Variants in SCML4 observed in about 807,000 individuals in gnomAD.
SCML4 encodes Scm polycomb group protein like 4.
SCML4 carries 34 observed loss-of-function variants against 41.1 expected under a neutral mutation model. That is an observed-to-expected ratio of 0.83 (90% CI 0.63 to 1.10). SCML4 has a LOEUF of 1.10. SCML4 is among the 50% of genes least tolerant of loss of function. The pLI, the probability that SCML4 is intolerant of heterozygous loss-of-function variation, is 0.00. For synonymous variants in SCML4, 214 were observed against 220.9 expected (o/e 0.97, Z 0.28); for missense variants, 522 against 534.1 (o/e 0.98, Z 0.22).
At chr6:107,782,398 G>A (rs1781573096) in intron 1 of SCML4, among the ~76,000 whole-genome samples, 1 of 152,202 alleles carries the variant, frequency 6.6e-6, no homozygotes, top group African/African-American at 2.4e-5. Context: ...TGAGAAGGGA[G>A]GGATCCGGTC....
chr6:107,799,556 T>C (rs1350215698), intron 1 of SCML4, among the ~76,000 whole-genome samples: 2 of 152,238 alleles, frequency 1.3e-5, no homozygotes, highest in Non-Finnish European at 2.9e-5. Flanking sequence ...TTATATTTTA[T>C]GTAATTATTG....
intron 2 of SCML4, among the ~76,000 whole-genome samples, chr6:107,757,391 G>T (rs374513644): frequency 1.2e-4 from 19 of 152,278 alleles, no homozygotes; most frequent in African/African-American, 4.6e-4. Context: ...ACTAAACATT[G>T]TTTGACAGAC....
chr6:107,832,715 A>C, the SCML4 span, among the ~76,000 whole-genome samples: 1 of 152,192 alleles, frequency 6.6e-6, no homozygotes, highest in Non-Finnish European at 1.5e-5. Flanking sequence ...TTGGTGCTAA[A>C]GGCCAAAATC....
the SCML4 span, among the ~76,000 whole-genome samples, chr6:107,834,941 A>AC: frequency 0.05 from 7,567 of 152,066 alleles, 548 homozygotes; most frequent in East Asian, 0.16. Flanking sequence ...CTGTCTGAAA[A>AC]AAAAAAAAGG....
chr6:107,718,086 C>T (rs7775540), intron 6 of SCML4, among the ~76,000 whole-genome samples: 86,524 of 152,056 alleles, frequency 0.57, 25,583 homozygotes, highest in Middle Eastern at 0.7. Context: ...CTCGGCCAGT[C>T]GTCTGGCAAG....
chr6:107,749,997 A>G (rs1389363223), intron 2 of SCML4, among the ~76,000 whole-genome samples, 184 bp from the exon 3 acceptor site: 1 of 145,672 alleles, frequency 6.9e-6, no homozygotes, highest in Non-Finnish European at 1.5e-5. Flanking sequence ...TTGGGGTCAC[A>G]CTCAGATCAC....
Position 107,702,326 on chromosome 6 carries a change from G to A in SCML4, c.*2874C>T, listed in dbSNP as rs999209682. 1.3e-5 allele frequency among the ~76,000 whole-genome samples: 2 copies of A among 152,228 alleles called. No homozygotes were observed. The highest frequency in any genetic ancestry group is 4.8e-5 in the African/African-American group (2 of 41,456). ...ATGGATCCAGTTTTCTCCAAGACTTGAAATGAGAACATATCTCTCGCCTGA... is the reference window on the plus strand; with the variant it reads ...ATGGATCCAGTTTTCTCCAAGACTTAAAATGAGAACATATCTCTCGCCTGA... On this transcript the variant is annotated 3_prime_UTR_variant, in exon 8 of 8. Transcript: ENST00000369020.
intron 2 of SCML4, among the ~76,000 whole-genome samples, chr6:107,760,375 C>T (rs1779488503): frequency 6.6e-6 from 1 of 152,184 alleles, no homozygotes; most frequent in South Asian, 2.1e-4. Context: ...CTAAGAGCTA[C>T]AATAAAGGCA....
intron 2 of SCML4, among the ~76,000 whole-genome samples, chr6:107,760,286 G>A (rs1273106677): frequency 6.6e-6 from 1 of 152,164 alleles, no homozygotes; most frequent in Non-Finnish European, 1.5e-5. Context: ...TGGAGGAATT[G>A]ACATATATAA....
chr6:107,839,410 A>T, the SCML4 span, among the ~76,000 whole-genome samples: 1 of 145,988 alleles, frequency 6.8e-6, no homozygotes, highest in Non-Finnish European at 1.5e-5. Context: ...AGAAAGAAAG[A>T]GGAAGAAGAG....
intron 1 of SCML4, among the ~76,000 whole-genome samples, chr6:107,797,901 A>C (rs988228227): frequency 6.6e-6 from 1 of 151,994 alleles, no homozygotes; most frequent in Non-Finnish European, 1.5e-5. Flanking sequence ...TCTATCATTT[A>C]TTCTGTTATG....
At chr6:107,724,101 A>G (rs1775713237) in intron 5 of SCML4, among the ~76,000 whole-genome samples, 1 of 152,214 alleles carries the variant, frequency 6.6e-6, no homozygotes, top group African/African-American at 2.4e-5. Flanking sequence ...ATTTGACAAA[A>G]TCCAATACCC....
intron 1 of SCML4, among the ~76,000 whole-genome samples, chr6:107,797,680 G>A (rs543256764): frequency 1.3e-5 from 2 of 151,946 alleles, no homozygotes; most frequent in Non-Finnish European, 2.9e-5. Flanking sequence ...CATATAAGTG[G>A]TGAGAAAGGA....
the SCML4 span, among the ~76,000 whole-genome samples, chr6:107,844,891 G>A: frequency 6.8e-6 from 1 of 146,934 alleles, no homozygotes; most frequent in Non-Finnish European, 1.5e-5. Flanking sequence ...GTAAGACTAC[G>A]ACTCAACAAC....
intron 5 of SCML4, among the ~76,000 whole-genome samples, chr6:107,744,385 C>T (rs1417315807): frequency 6.6e-6 from 1 of 152,184 alleles, no homozygotes; most frequent in Non-Finnish European, 1.5e-5. Context: ...GGCCACTTTC[C>T]ATCTTGTGAT....
chr6:107,715,749 A>G (rs1207076154), intron 6 of SCML4, among the ~76,000 whole-genome samples: 1 of 152,172 alleles, frequency 6.6e-6, no homozygotes, highest in Non-Finnish European at 1.5e-5. Context: ...ACCGCCAGAG[A>G]GAGAAGGCTG....
upstream of SCML4, among the ~76,000 whole-genome samples, chr6:107,825,166 G>C (rs1394825446): frequency 6.6e-6 from 1 of 152,146 alleles, no homozygotes; most frequent in African/African-American, 2.4e-5. Flanking sequence ...TTGTAAAGTG[G>C]AGCAGGGCTC....
chr6:107,809,124 C>T (rs1198599416), intron 1 of SCML4, among the ~76,000 whole-genome samples: 1 of 151,940 alleles, frequency 6.6e-6, no homozygotes, highest in Non-Finnish European at 1.5e-5. Flanking sequence ...CACTCTCTTG[C>T]CCTTCCATCC....
At chr6:107,839,381 G>GAAAC in the SCML4 span, among the ~76,000 whole-genome samples, 1 of 143,104 alleles carries the variant, frequency 7.0e-6, no homozygotes, top group African/African-American at 2.7e-5. Flanking sequence ...AAGAAAGAAA[G>GAAAC]AAAGAAAGAA....
Sources: allele counts gnomAD v4.1 joint callset (sites outside exome capture counted in the v4.1 genomes callset), GRCh38; gene constraint gnomAD v4.1.1; transcripts MANE v1.5; gene names NCBI Gene and HGNC (gene_info 2026-07-23, HGNC 2026-07-21).